Variants in FGF2 observed in about 807,000 individuals in gnomAD.
FGF2 encodes fibroblast growth factor 2.
FGF2 carries 13 observed loss-of-function variants against 15.9 expected under a neutral mutation model. The ratio of observed to expected loss-of-function variants is 0.82; its 90% CI spans 0.53 to 1.30. FGF2 has a LOEUF of 1.30. Ranked by LOEUF, FGF2 falls within the 50% of genes most tolerant of loss-of-function variation. The pLI, the probability that FGF2 is intolerant of heterozygous loss-of-function variation, is 0.00. For missense variants in FGF2, 163 were observed against 196.9 expected (o/e 0.83, Z 1.03); for synonymous variants, 90 against 78.4 (o/e 1.15, Z -0.78).
At chr4:122,843,256 G>A (rs1726035160) in intron 1 of FGF2, among the ~76,000 whole-genome samples, 1 of 152,202 alleles carries the variant, frequency 6.6e-6, no homozygotes, top group Non-Finnish European at 1.5e-5. Flanking sequence ...ATGTTTGCCA[G>A]GCAGACAGGG....
rs774740454 is a variant in FGF2 at position 122,894,938 on chromosome 4, G to A, written c.*2542G>A. On this transcript the variant is annotated 3_prime_UTR_variant, in exon 3 of 3. Coordinates refer to ENST00000644866, the MANE Select transcript of FGF2 (RefSeq NM_001361665.2). ...ATCAAAAGTTCGGCATGTAGCTCATGATCTATGCTGTTTCTATGTCGTGGA... is the reference window on the plus strand; with the variant it reads ...ATCAAAAGTTCGGCATGTAGCTCATAATCTATGCTGTTTCTATGTCGTGGA... 3.3e-5 allele frequency: 5 copies of A among 152,156 alleles called. No individual in the cohort carries two copies. Among genetic ancestry groups the A allele is most frequent in the Non-Finnish European group, 7.3e-5 (5 of 68,036 alleles). 9.4% of individuals were successfully genotyped at this position (152,156 alleles called of 1,614,324 possible). A position where few individuals can be genotyped will look rare whatever the true frequency, so the allele number is the denominator to read the frequency against.
intron 1 of FGF2, among the ~76,000 whole-genome samples, chr4:122,871,795 A>AAC (rs1232905843): frequency 4.0e-5 from 6 of 151,332 alleles, no homozygotes; most frequent in Admixed American, 2.6e-4. Flanking sequence ...AAAAAAAAAA[A>AAC]AAACTAGCAG....
At chr4:122,879,371 A>G (rs1267448840) in intron 2 of FGF2, among the ~76,000 whole-genome samples, 1 of 152,212 alleles carries the variant, frequency 6.6e-6, no homozygotes, top group African/African-American at 2.4e-5. Flanking sequence ...CTGCAGTAGA[A>G]TTGGTTTGGC....
intron 1 of FGF2, among the ~76,000 whole-genome samples, chr4:122,850,606 A>G (rs1377377053): frequency 6.6e-6 from 1 of 152,228 alleles, no homozygotes; most frequent in Non-Finnish European, 1.5e-5. Context: ...GAAGAGGGAA[A>G]GGAAGAAAGA....
intron 2 of FGF2, among the ~76,000 whole-genome samples, chr4:122,877,371 C>T (rs1726877980): frequency 6.6e-6 from 1 of 152,150 alleles, no homozygotes; most frequent in African/African-American, 2.4e-5. Context: ...CCTTGGCCTC[C>T]CAAAGTGCTG....
chr4:122,892,257 A>T lies in FGF2; in HGVS notation c.329A>T (p.Asn110Ile). ...TTCTTTTTTGAACGATTGGAATCTA[A>T]TAACTACAATACTTACCGGTCAAGG... is the stretch of plus-strand genomic sequence containing the variant. ...ECFFFERLES[N>I]NYNTYRSRKY... The change falls in exon 3 of 3, where the codon AAT (asparagine) becomes ATT (isoleucine). Residue 110 changes from asparagine (N) to isoleucine (I), a missense_variant. Coordinates refer to ENST00000644866, the MANE Select transcript of FGF2 (RefSeq NM_001361665.2). 1 of 1,613,868 alleles carries T rather than the reference A, an allele frequency of 6.2e-7. No homozygotes were observed. Among genetic ancestry groups the T allele is most frequent in the Non-Finnish European group, 8.5e-7 (1 of 1,179,746 alleles).
chr4:122,843,518 G>T (rs1309049197), intron 1 of FGF2, among the ~76,000 whole-genome samples: 1 of 152,192 alleles, frequency 6.6e-6, no homozygotes, highest in East Asian at 1.9e-4. Flanking sequence ...GTGTGTAATA[G>T]ATTGGAGGGT....
At chr4:122,835,748 C>A (rs1725853468) in intron 1 of FGF2, among the ~76,000 whole-genome samples, 2 of 152,136 alleles carry the variant, frequency 1.3e-5, no homozygotes, top group South Asian at 4.1e-4. Flanking sequence ...AAGCACTAAC[C>A]AGACCTACCT....
At position 122,835,879 on chromosome 4, in the gene FGF2, C is replaced by T. The variant is rs116794622; in HGVS notation, c.178+8527C>T. Among the ~76,000 whole-genome samples the T allele has an allele frequency of 3.2e-3, 494 of 152,268 alleles. 2 individuals are homozygous for T. Among genetic ancestry groups the T allele is most frequent in the Middle Eastern group, 6.8e-3 (2 of 294 alleles). On this transcript the variant is annotated intron_variant, in intron 1 of 2. Coordinates refer to ENST00000644866, the MANE Select transcript of FGF2 (RefSeq NM_001361665.2). ...TTTAATGTGTCATAACGATTACTGTCACAATGATTGGCCTTTCTTCATGTG... is the reference window on the plus strand; with the variant it reads ...TTTAATGTGTCATAACGATTACTGTTACAATGATTGGCCTTTCTTCATGTG...
chr4:122,865,285 GTTT>G (rs1726550650), intron 1 of FGF2, among the ~76,000 whole-genome samples: 1 of 151,428 alleles, frequency 6.6e-6, no homozygotes. Context: ...TTTTTTGTTT[GTTT>G]GTTTGTTTTG....
At chr4:122,864,943 A>G (rs1273069905) in intron 1 of FGF2, among the ~76,000 whole-genome samples, 1 of 152,224 alleles carries the variant, frequency 6.6e-6, no homozygotes, top group Non-Finnish European at 1.5e-5. Flanking sequence ...ACAACTGAGA[A>G]AAAAATTTAA....
intron 1 of FGF2, among the ~76,000 whole-genome samples, chr4:122,853,117 G>A (rs1317802207): frequency 6.6e-6 from 1 of 152,108 alleles, no homozygotes; most frequent in Non-Finnish European, 1.5e-5. Context: ...GGGCAACATG[G>A]CAAAATGCCA....
Position 122,893,634 on chromosome 4 carries a change from A to G in FGF2, c.*1238A>G, listed in dbSNP as rs1727257752. 1 of 155,640 alleles carries G rather than the reference A, an allele frequency of 6.4e-6. No homozygotes were observed. The highest frequency in any genetic ancestry group is 6.5e-5 in the Admixed American group (1 of 15,388). The allele number at this position is 155,640 out of a possible 1,614,324, so 9.6% of individuals were successfully genotyped here. A position where few individuals can be genotyped will look rare whatever the true frequency, so the allele number is the denominator to read the frequency against. ...TTAGATTCATTTCTTCAACACCGAA[A>G]TGCTGGAGGTGTTTGATCAGTTTTC... On this transcript the variant is annotated 3_prime_UTR_variant, in exon 3 of 3. Coordinates refer to ENST00000644866, the MANE Select transcript of FGF2 (RefSeq NM_001361665.2).
intron 1 of FGF2, among the ~76,000 whole-genome samples, chr4:122,855,288 T>A (rs139158979): frequency 6.6e-6 from 1 of 152,326 alleles, no homozygotes; most frequent in East Asian, 1.9e-4. Context: ...TTCCATCTCT[T>A]GAGTATGTTG....
At chr4:122,875,992 T>C (rs941843059) in intron 1 of FGF2, among the ~76,000 whole-genome samples, 1 of 152,160 alleles carries the variant, frequency 6.6e-6, no homozygotes, top group Non-Finnish European at 1.5e-5. Context: ...ACAGGGGCGA[T>C]TGAAAGCTAA....
chr4:122,872,858 C>A (rs3099832), intron 1 of FGF2, among the ~76,000 whole-genome samples: 61,168 of 151,966 alleles, frequency 0.4, 12,630 homozygotes, highest in South Asian at 0.6. Flanking sequence ...CCTGCCTTAC[C>A]GGAGCTCCTG....
intron 1 of FGF2, among the ~76,000 whole-genome samples, chr4:122,838,138 CTG>C (rs1308314208): frequency 6.6e-6 from 1 of 152,150 alleles, no homozygotes; most frequent in Non-Finnish European, 1.5e-5. Flanking sequence ...ACACCCTCAG[CTG>C]TTAAAGGATG....
chr4:122,855,682 G>A (rs568953103), intron 1 of FGF2, among the ~76,000 whole-genome samples: 1 of 152,322 alleles, frequency 6.6e-6, no homozygotes, highest in South Asian at 2.1e-4. Flanking sequence ...GAGCTGATGA[G>A]CTTCCTGTTT....
At chr4:122,831,719 A>T (rs1725769422) in intron 1 of FGF2, among the ~76,000 whole-genome samples, 1 of 152,202 alleles carries the variant, frequency 6.6e-6, no homozygotes, top group Non-Finnish European at 1.5e-5. Flanking sequence ...TTCAGCCTAG[A>T]AAAGGCAATA....
Sources: gnomAD v4.1 joint callset for allele counts (sites outside exome capture counted in the v4.1 genomes callset) on GRCh38, gnomAD v4.1.1 for gene constraint, MANE v1.5 for transcripts, NCBI Gene and HGNC (gene_info 2026-07-23, HGNC 2026-07-21) for gene names.